The following SGCZ variants were observed in gnomAD, a reference collection of about 807,000 sequenced individuals.
The protein encoded by SGCZ is zeta-sarcoglycan.
A neutral mutation model predicts 41.3 loss-of-function variants in SGCZ; 40 were observed. The observed-to-expected ratio is 0.97, with a 90% CI of 0.75 to 1.26. The LOEUF is 1.26. SGCZ is among the 50% of genes most tolerant of loss of function. The probability of loss-of-function intolerance (pLI) is 0.00; values close to 1 mark genes in which losing one functional copy is unlikely to be tolerated. For synonymous variants in SGCZ, 206 were observed against 137.5 expected, an observed-to-expected ratio of 1.50 and a Z score of -3.49; for missense variants, 552 against 369.8, an observed-to-expected ratio of 1.49 and a Z score of -4.04.
intron 2 of SGCZ, among the ~76,000 whole-genome samples, chr8:14,468,199 G>C (rs1801105817): frequency 6.6e-6 from 1 of 151,934 alleles, no homozygotes; most frequent in African/African-American, 2.4e-5. Context: ...TTTTGATTGA[G>C]TTCATCAGCA....
chr8:14,686,955 C>G (rs1462855979), intron 1 of SGCZ, among the ~76,000 whole-genome samples: 5 of 151,638 alleles, frequency 3.3e-5, no homozygotes, highest in African/African-American at 1.2e-4. Flanking sequence ...ACTCACCTCA[C>G]AAAATATTCA....
intron 1 of SGCZ, among the ~76,000 whole-genome samples, chr8:14,723,083 A>C (rs191411495): frequency 6.6e-6 from 1 of 152,290 alleles, no homozygotes; most frequent in East Asian, 1.9e-4. Flanking sequence ...AAAGAAATGC[A>C]CAAATATTAA....
At chr8:14,676,625 A>T (rs1033234251) in intron 1 of SGCZ, among the ~76,000 whole-genome samples, 6 of 152,174 alleles carry the variant, frequency 3.9e-5, no homozygotes, top group Non-Finnish European at 8.8e-5. Context: ...AATAATATAA[A>T]CCACGATGTG....
In SGCZ at chr8:15,097,706, G is replaced by A. The variant is rs545817518; in HGVS notation, c.39+139879C>T. ...ATTACACCAATACATTACTGTCTACGCGACAGAGTGAGAGCTTATAAAAAA... is the reference window on the plus strand; with the variant it reads ...ATTACACCAATACATTACTGTCTACACGACAGAGTGAGAGCTTATAAAAAA... On this transcript the variant is annotated intron_variant, in intron 1 of 7. Transcript: ENST00000382080. Among the ~76,000 whole-genome samples the A allele has an allele frequency of 1.7e-3, 255 of 147,488 alleles. 1 individual carries two copies. The highest frequency in any genetic ancestry group is 6.0e-3 in the African/African-American group (238 of 39,860).
At chr8:14,572,305 A>G (rs987252203) in intron 1 of SGCZ, among the ~76,000 whole-genome samples, 1 of 152,126 alleles carries the variant, frequency 6.6e-6, no homozygotes, top group African/African-American at 2.4e-5. Flanking sequence ...ATCGCCAATA[A>G]TTTTCTGTAA....
At chr8:15,054,234 T>C (rs1342790602) in intron 1 of SGCZ, among the ~76,000 whole-genome samples, 3 of 152,200 alleles carry the variant, frequency 2.0e-5, no homozygotes, top group African/African-American at 7.2e-5. Flanking sequence ...TTAATGAAAA[T>C]ATTTTTAAAA....
At chr8:15,158,536 TTAC>T (rs1799404605) in intron 1 of SGCZ, among the ~76,000 whole-genome samples, 1 of 152,242 alleles carries the variant, frequency 6.6e-6, no homozygotes, top group Non-Finnish European at 1.5e-5. Flanking sequence ...AGAAAAAATA[TTAC>T]TACTTTATGC....
rs1488632972 is a variant in SGCZ, at chr8:15,127,239, C to A, written c.39+110346G>T. On this transcript the variant is annotated intron_variant, in intron 1 of 7. Transcript: ENST00000382080. ...AAGTAGAAACATCTATAGGCACACACACACACACACACACACAAACAAACA... is the reference window on the plus strand; with the variant it reads ...AAGTAGAAACATCTATAGGCACACAAACACACACACACACACAAACAAACA... Among the ~76,000 whole-genome samples the A allele has an allele frequency of 6.6e-4, 11 of 16,724 alleles. No homozygotes were observed. In the Admixed American group the frequency reaches 0.012, roughly 18 times the overall value. 11.0% of individuals were successfully genotyped at this position (16,724 alleles called of 152,430 possible).
Position 14,505,243 on chromosome 8 carries a change from A to T in SGCZ, c.234+49489T>A, listed in dbSNP as rs1260784563. Among the ~76,000 whole-genome samples, 2 of 152,134 alleles carry T rather than the reference A, an allele frequency of 1.3e-5. 1 individual carries two copies. The highest frequency in any genetic ancestry group is 1.3e-4 in the Admixed American group (2 of 15,254). On this transcript the variant is annotated intron_variant, in intron 2 of 7. Transcript: ENST00000382080. ...TGCATATGGTTTATTGAAGTTGTCA[A>T]GTACACTTTGAAATATGTGTATATG...
At chr8:14,277,293 T>C (rs1800270829) in intron 3 of SGCZ, among the ~76,000 whole-genome samples, 1 of 152,130 alleles carries the variant, frequency 6.6e-6, no homozygotes, top group East Asian at 1.9e-4. Flanking sequence ...GCTAATTGGG[T>C]CATGTTCCTT....
intron 1 of SGCZ, among the ~76,000 whole-genome samples, chr8:14,694,362 T>A (rs529017274): frequency 5.9e-5 from 9 of 152,338 alleles, no homozygotes; most frequent in African/African-American, 2.2e-4. Flanking sequence ...TTCTGGGATA[T>A]TTTGCATATT....
chr8:14,716,685 G>C (rs1317917738), intron 1 of SGCZ, among the ~76,000 whole-genome samples: 3 of 151,868 alleles, frequency 2.0e-5, no homozygotes, highest in African/African-American at 7.3e-5. Flanking sequence ...TCATCTTTAG[G>C]AAAACGTACA....
Position 15,177,877 on chromosome 8 carries a change from C to A in SGCZ, c.39+59708G>T, listed in dbSNP as rs188874957. On this transcript the variant is annotated intron_variant, in intron 1 of 7. Coordinates refer to ENST00000382080, the MANE Select transcript of SGCZ (RefSeq NM_139167.4). ...TAGACACTTGGGGAAGCTATGAACT[C>A]CCTACTCCAGCCTAAAGTTCAGCCT... Among the ~76,000 whole-genome samples, 261 of 152,286 alleles carry A rather than the reference C, an allele frequency of 1.7e-3. 1 individual carries two copies. Among genetic ancestry groups the A allele is most frequent in the African/African-American group, 6.0e-3 (248 of 41,574 alleles).
At chr8:15,022,449 T>C (rs965381032) in intron 1 of SGCZ, among the ~76,000 whole-genome samples, 8 of 152,132 alleles carry the variant, frequency 5.3e-5, no homozygotes, top group African/African-American at 1.9e-4. Flanking sequence ...GTTCAAGCGA[T>C]TCTCCTACTT....
At chr8:15,160,150 C>A (rs73529345) in intron 1 of SGCZ, among the ~76,000 whole-genome samples, 4,925 of 152,174 alleles carry the variant, frequency 0.032, 237 homozygotes, top group African/African-American at 0.11. Context: ...AACTGAAACT[C>A]TGTATCTTTT....
At chr8:14,404,996 T>C (rs1298552605) in intron 2 of SGCZ, among the ~76,000 whole-genome samples, 1 of 152,196 alleles carries the variant, frequency 6.6e-6, no homozygotes, top group Non-Finnish European at 1.5e-5. Flanking sequence ...TCCTTCGTGA[T>C]TGCACATCCA....
intron 2 of SGCZ, among the ~76,000 whole-genome samples, chr8:14,358,577 G>A (rs1318959928): frequency 6.6e-6 from 1 of 152,024 alleles, no homozygotes; most frequent in East Asian, 1.9e-4. Context: ...ATTAACTTAG[G>A]AAAATAATTA....
chr8:14,448,406 T>G (rs1344778408), intron 2 of SGCZ, among the ~76,000 whole-genome samples: 2 of 152,178 alleles, frequency 1.3e-5, no homozygotes, highest in African/African-American at 4.8e-5. Context: ...CATGCACCAG[T>G]TAGATAATAC....
chr8:14,663,392 A>T (rs765400818), intron 1 of SGCZ, among the ~76,000 whole-genome samples: 10 of 152,156 alleles, frequency 6.6e-5, no homozygotes, highest in Non-Finnish European at 8.8e-5. Flanking sequence ...GTATTGCTAT[A>T]TTTCACCTAT....
Sources: allele counts gnomAD v4.1 joint callset (sites outside exome capture counted in the v4.1 genomes callset), GRCh38; gene constraint gnomAD v4.1.1; transcripts MANE v1.5; gene names NCBI Gene and HGNC (gene_info 2026-07-23, HGNC 2026-07-21).